Variants in MEIS2 observed in about 807,000 individuals in gnomAD.
MEIS2 encodes the protein Meis homeobox 2.
Under a neutral mutation model 58.6 loss-of-function variants are expected in MEIS2, and 9 were observed. That is an observed-to-expected ratio of 0.15 (90% CI 0.09 to 0.27). The LOEUF is 0.27. Among genes scored for constraint, MEIS2 ranks in the 10% least tolerant of loss-of-function variants. The pLI is 1.00. For missense variants in MEIS2, 427 were observed against 635.0 expected (o/e 0.67, Z 3.52); for synonymous variants, 221 against 228.4 (o/e 0.97, Z 0.29).
In MEIS2 at chr15:37,099,556, T is replaced by C; in HGVS notation, c.-90A>G. On this transcript the variant is annotated 5_prime_UTR_variant, in exon 1 of 12. Transcript: ENST00000561208. ...GTGATCTAGGCTGAAGATTCCTTTTTTTTTTTTCCAAACCAAAGAGACTTC... is the reference window on the plus strand; with the variant it reads ...GTGATCTAGGCTGAAGATTCCTTTTCTTTTTTTCCAAACCAAAGAGACTTC... 2 of 1,561,912 alleles carry C rather than the reference T, an allele frequency of 1.3e-6. No homozygotes were observed. The highest frequency in any genetic ancestry group is 2.4e-5 in the South Asian group (2 of 83,262).
chr15:37,082,654 G>A (rs181422779), intron 7 of MEIS2, among the ~76,000 whole-genome samples: 43 of 152,190 alleles, frequency 2.8e-4, no homozygotes, highest in East Asian at 1.2e-3. Flanking sequence ...ATAATTTGCC[G>A]TCTGATATGA....
intron 8 of MEIS2, among the ~76,000 whole-genome samples, chr15:37,020,810 A>AT (rs889333435): frequency 5.3e-5 from 8 of 150,910 alleles, no homozygotes; most frequent in East Asian, 3.9e-4. Context: ...CATATCCTTG[A>AT]TTTTTTTTTA....
chr15:37,096,230 A>G (rs985608655), intron 3 of MEIS2, 59 bp downstream of exon 3: 17 of 1,494,544 alleles, frequency 1.1e-5, no homozygotes, highest in Non-Finnish European at 1.5e-5. Context: ...TAAAGCTCCG[A>G]GGAAAGGGGA....
At chr15:37,094,002 T>A in intron 5 of MEIS2, 1 of 422,618 alleles carries the variant, frequency 2.4e-6, no homozygotes, top group Non-Finnish European at 4.3e-6. Flanking sequence ...AATAACTGGG[T>A]TCAGAGTGGG....
intron 7 of MEIS2, among the ~76,000 whole-genome samples, chr15:37,039,153 T>G (rs117610048): frequency 3.3e-5 from 5 of 152,300 alleles, no homozygotes; most frequent in Non-Finnish European, 7.4e-5. Flanking sequence ...ACACTGCAAG[T>G]GCAAGTTTGA....
chr15:36,908,713 T>A (rs1197347130), intron 9 of MEIS2, among the ~76,000 whole-genome samples: 1 of 152,156 alleles, frequency 6.6e-6, no homozygotes, highest in Non-Finnish European at 1.5e-5. Context: ...CCCAGCACTT[T>A]GGGAGACCGA....
chr15:37,003,895 G>A (rs550689695), intron 8 of MEIS2, among the ~76,000 whole-genome samples: 40 of 152,232 alleles, frequency 2.6e-4, no homozygotes, highest in Middle Eastern at 3.4e-3. Flanking sequence ...TCTCTACACC[G>A]GGAAGTAAGC....
At chr15:37,012,310 T>G (rs2061192080) in intron 8 of MEIS2, among the ~76,000 whole-genome samples, 1 of 152,250 alleles carries the variant, frequency 6.6e-6, no homozygotes, top group Non-Finnish European at 1.5e-5. Flanking sequence ...ATCTCCTTGT[T>G]CCTCAGTCCT....
chr15:37,020,270 C>T (rs1400272266), intron 8 of MEIS2, among the ~76,000 whole-genome samples: 2 of 152,084 alleles, frequency 1.3e-5, no homozygotes, highest in African/African-American at 4.8e-5. Context: ...AAATGAGTCT[C>T]GTCTGCTGAC....
chr15:37,034,243 G>A (rs564603184), intron 8 of MEIS2, among the ~76,000 whole-genome samples: 1 of 152,134 alleles, frequency 6.6e-6, no homozygotes, highest in Non-Finnish European at 1.5e-5. Context: ...ATCCTGCAAC[G>A]TGTCCCTCTC....
At chr15:36,957,905 A>G (rs1446403164) in intron 8 of MEIS2, among the ~76,000 whole-genome samples, 1 of 152,202 alleles carries the variant, frequency 6.6e-6, no homozygotes, top group Non-Finnish European at 1.5e-5. Context: ...TTATGAACAC[A>G]ATATTCGGAT....
chr15:37,071,469 G>A (rs1890700435), intron 7 of MEIS2, among the ~76,000 whole-genome samples: 1 of 151,964 alleles, frequency 6.6e-6, no homozygotes, highest in South Asian at 2.1e-4. Flanking sequence ...CTCTTTTCCA[G>A]GGATAAATGT....
chr15:36,974,227 C>T (rs1350517760), intron 8 of MEIS2, among the ~76,000 whole-genome samples: 1 of 152,180 alleles, frequency 6.6e-6, no homozygotes, highest in Admixed American at 6.5e-5. Flanking sequence ...AAACACCAAA[C>T]ATCATAGTGA....
At chr15:36,982,001 G>T (rs1176837979) in intron 8 of MEIS2, among the ~76,000 whole-genome samples, 2 of 151,984 alleles carry the variant, frequency 1.3e-5, no homozygotes, top group Non-Finnish European at 2.9e-5. Context: ...TTACACCATG[G>T]GCTCCCCTGG....
At position 36,892,419 on chromosome 15, in the gene MEIS2, ACCAC is replaced by A; in HGVS notation, c.1184_1187del (p.Gly395ValfsTer5). ...GCTGTGCCATACTCATTCCCATAGG[ACCAC>A]CCTGAGAAACGTAGTCCCCTGGCAT... On this transcript the variant is annotated frameshift_variant, in exon 12 of 12. Transcript: ENST00000561208. LOFTEE classifies it high-confidence loss of function. 1 of 1,613,732 alleles carries A rather than the reference ACCAC, an allele frequency of 6.2e-7. No individual in the cohort carries two copies. Among genetic ancestry groups the A allele is most frequent in the Non-Finnish European group, 8.5e-7 (1 of 1,179,946 alleles).
intron 9 of MEIS2, among the ~76,000 whole-genome samples, chr15:36,935,750 C>G (rs1376262091): frequency 6.6e-6 from 1 of 151,576 alleles, no homozygotes; most frequent in Non-Finnish European, 1.5e-5. Flanking sequence ...ATGGCTTTAT[C>G]TCTAATGCCC....
At chr15:36,995,960 T>G (rs909092416) in intron 8 of MEIS2, among the ~76,000 whole-genome samples, 4 of 5,502 alleles carry the variant, frequency 7.3e-4, no homozygotes, top group African/African-American at 9.7e-4. Flanking sequence ...GTCTGAGATA[T>G]ATATATATAT....
At chr15:37,031,419 A>ATGTGTG (rs1330138116) in intron 8 of MEIS2, among the ~76,000 whole-genome samples, 49 of 30,512 alleles carry the variant, frequency 1.6e-3, no homozygotes, top group East Asian at 1.3e-3. Flanking sequence ...CCTCCCTTGC[A>ATGTGTG]TATGTGTGTG....
chr15:37,094,469 A>G, intron 5 of MEIS2, 58 bp downstream of exon 5: 3 of 1,552,148 alleles, frequency 1.9e-6, no homozygotes, highest in Non-Finnish European at 2.7e-6. Flanking sequence ...AAACATCCCA[A>G]CTCAACTAGG....
Sources: gnomAD v4.1 joint callset for allele counts (sites outside exome capture counted in the v4.1 genomes callset) on GRCh38, gnomAD v4.1.1 for gene constraint, MANE v1.5 for transcripts, NCBI Gene and HGNC (gene_info 2026-07-23, HGNC 2026-07-21) for gene names.